Variants in KLRG1 observed in about 807,000 individuals in gnomAD.
The protein encoded by KLRG1 is killer cell lectin-like receptor subfamily G member 1.
In KLRG1, 16 loss-of-function variants were observed where a neutral mutation model predicts 21.8. The ratio of observed to expected loss-of-function variants is 0.73; its 90% CI spans 0.50 to 1.11. KLRG1 has a LOEUF of 1.11. Among genes scored for constraint, KLRG1 ranks in the 50% most tolerant of loss-of-function variants. KLRG1 has a pLI of 0.00. For synonymous variants in KLRG1, 69 were observed against 75.9 expected, an observed-to-expected ratio of 0.91 and a Z score of 0.47; for missense variants, 173 against 218.3, an observed-to-expected ratio of 0.79 and a Z score of 1.31.
intron 1 of KLRG1, among the ~76,000 whole-genome samples, chr12:8,963,620 C>T (rs1047744081): frequency 9.2e-5 from 14 of 152,202 alleles, no homozygotes; most frequent in Non-Finnish European, 1.8e-4. Context: ...TACCCAGCTC[C>T]TCTTTGTACC....
At chr12:9,041,704 G>A in the KLRG1 span, among the ~76,000 whole-genome samples, 1 of 152,202 alleles carries the variant, frequency 6.6e-6, no homozygotes, top group African/African-American at 2.4e-5. Context: ...TATTTGGAGA[G>A]TGAGAGGTCA....
the KLRG1 span, chr12:9,151,769 C>T: frequency 2.1e-6 from 2 of 933,912 alleles, no homozygotes; most frequent in Non-Finnish European, 3.3e-6. Context: ...AATGGTCATT[C>T]TCTGAAGAGA....
chr12:9,002,479 T>C (rs1266135678), intron 3 of KLRG1, among the ~76,000 whole-genome samples: 7 of 152,204 alleles, frequency 4.6e-5, no homozygotes, highest in Admixed American at 4.6e-4. Flanking sequence ...AAGCAAACAT[T>C]ACAAACTCTA....
intron 1 of KLRG1, among the ~76,000 whole-genome samples, chr12:8,972,044 C>T (rs571599609): frequency 2.0e-5 from 3 of 152,162 alleles, no homozygotes; most frequent in Non-Finnish European, 4.4e-5. Flanking sequence ...CTTTTGTTGT[C>T]TGTGCTTTTG....
the KLRG1 span, among the ~76,000 whole-genome samples, chr12:9,024,838 T>G: frequency 2.0e-5 from 3 of 152,310 alleles, no homozygotes; most frequent in Admixed American, 1.3e-4. Flanking sequence ...ATCTTTCCCT[T>G]GCTAGTAATG....
At chr12:9,090,494 C>T in the KLRG1 span, 1 of 1,612,946 alleles carries the variant, frequency 6.2e-7, no homozygotes, top group Non-Finnish European at 8.5e-7. Flanking sequence ...TGAAACCACA[C>T]ATAAGAAAGG....
At chr12:9,010,967 G>T (rs926291667), downstream of KLRG1, among the ~76,000 whole-genome samples, 1 of 152,108 alleles carries the variant, frequency 6.6e-6, no homozygotes, top group Non-Finnish European at 1.5e-5. Context: ...CTTCCCTTTG[G>T]TTCTGGTGCA....
At chr12:8,960,412 G>T (rs1269695726) in intron 1 of KLRG1, among the ~76,000 whole-genome samples, 1 of 152,178 alleles carries the variant, frequency 6.6e-6, no homozygotes, top group Non-Finnish European at 1.5e-5. Flanking sequence ...AAAGGAGTAG[G>T]CAGAACAACT....
the KLRG1 span, among the ~76,000 whole-genome samples, chr12:9,119,831 A>C: frequency 2.6e-5 from 4 of 152,162 alleles, no homozygotes; most frequent in Non-Finnish European, 4.4e-5. Context: ...GATAAAAAGG[A>C]AAGTATTACT....
At chr12:9,012,174 C>G (rs946209153), downstream of KLRG1, among the ~76,000 whole-genome samples, 1 of 152,168 alleles carries the variant, frequency 6.6e-6, no homozygotes, top group Non-Finnish European at 1.5e-5. Flanking sequence ...ACCCCTCCTC[C>G]GACCCCAGGC....
chr12:9,016,172 A>G, the KLRG1 span, among the ~76,000 whole-genome samples: 1 of 152,142 alleles, frequency 6.6e-6, no homozygotes, highest in Non-Finnish European at 1.5e-5. Context: ...GGAGAAGTAA[A>G]TGAAATTGAC....
the KLRG1 span, among the ~76,000 whole-genome samples, chr12:9,123,253 A>T: frequency 2.6e-5 from 4 of 152,168 alleles, no homozygotes; most frequent in African/African-American, 9.7e-5. Context: ...TATATATACT[A>T]TGTTTTTTCC....
downstream of KLRG1, among the ~76,000 whole-genome samples, chr12:9,015,254 C>T (rs2137471022): frequency 1.3e-5 from 2 of 152,086 alleles, no homozygotes; most frequent in East Asian, 3.9e-4. Flanking sequence ...AATCTGTCAC[C>T]TACAAGAAAC....
intron 3 of KLRG1, chr12:8,996,558 T>C (rs1000764253): frequency 2.0e-5 from 3 of 152,228 alleles, no homozygotes; most frequent in Admixed American, 2.0e-4. Flanking sequence ...TCCTAAATTT[T>C]ATAGCTACCT....
At chr12:9,091,050 G>T in the KLRG1 span, 5 of 998,456 alleles carry the variant, frequency 5.0e-6, no homozygotes, top group Non-Finnish European at 5.8e-6. Flanking sequence ...GGTGCAATTT[G>T]GTATTTGGAG....
At chr12:9,112,497 T>G in the KLRG1 span, 1 of 1,613,802 alleles carries the variant, frequency 6.2e-7, no homozygotes. Flanking sequence ...ACTTGGACAG[T>G]GAGGAACATT....
the KLRG1 span, among the ~76,000 whole-genome samples, chr12:9,032,524 A>G: frequency 6.6e-6 from 1 of 152,222 alleles, no homozygotes; most frequent in Non-Finnish European, 1.5e-5. Context: ...AAAGATGATA[A>G]TAGCCCTCTC....
At chr12:8,970,988 A>G (rs963363653) in intron 1 of KLRG1, 1 of 152,108 alleles carries the variant, frequency 6.6e-6, no homozygotes, top group African/African-American at 2.4e-5. Context: ...TTTATTTTAT[A>G]TTTTTATAGA....
the KLRG1 span, chr12:9,157,242 G>C: frequency 6.2e-7 from 1 of 1,614,098 alleles, no homozygotes. Flanking sequence ...TTCCCAGTAG[G>C]GAAAAAGCAT....
Sources: gnomAD v4.1 joint callset for allele counts (sites outside exome capture counted in the v4.1 genomes callset) on GRCh38, gnomAD v4.1.1 for gene constraint, MANE v1.5 for transcripts, NCBI Gene and HGNC (gene_info 2026-07-23, HGNC 2026-07-21) for gene names.